Variants in MOB3B observed in about 807,000 individuals in gnomAD.
MOB3B encodes MOB kinase activator 3B.
MOB3B carries 7 observed loss-of-function variants against 18.7 expected under a neutral mutation model. The ratio of observed to expected loss-of-function variants is 0.37; its 90% confidence interval spans 0.21 to 0.70. MOB3B has a LOEUF of 0.70. MOB3B is among the 30% of genes least tolerant of loss of function. MOB3B has a pLI of 0.52. For synonymous variants in MOB3B, 111 were observed against 99.9 expected, an observed-to-expected ratio of 1.11 and a Z score of -0.66; for missense variants, 253 against 281.3, an observed-to-expected ratio of 0.90 and a Z score of 0.72.
rs115834219 is a variant in MOB3B, at chr9:27,364,984, T to C, written c.419-5748A>G. On this transcript the variant is annotated intron_variant, in intron 2 of 3. Transcript: ENST00000262244. ...ATTTTCTACTAGTTTCTCAAACTTATGTCTTATATTGCTGTAAGTTCTCTG... is the reference window on the plus strand; with the variant it reads ...ATTTTCTACTAGTTTCTCAAACTTACGTCTTATATTGCTGTAAGTTCTCTG... 4.2e-3 allele frequency among the ~76,000 whole-genome samples: 639 copies of C among 152,300 alleles called. 4 individuals carry two copies. The highest frequency in any genetic ancestry group is 0.015 in the African/African-American group (621 of 41,546).
chr9:27,459,388 C>T (rs936869410), intron 1 of MOB3B, among the ~76,000 whole-genome samples: 1 of 152,140 alleles, frequency 6.6e-6, no homozygotes, highest in Non-Finnish European at 1.5e-5. Flanking sequence ...AGCATCAAGG[C>T]CTGATCTAAC....
At chr9:27,497,363 G>T (rs971167618) in intron 1 of MOB3B, among the ~76,000 whole-genome samples, 1 of 151,854 alleles carries the variant, frequency 6.6e-6, no homozygotes, top group Non-Finnish European at 1.5e-5. Context: ...AAAAATCATG[G>T]AGTATCCATA....
At chr9:27,441,366 A>T (rs1209506069) in intron 2 of MOB3B, among the ~76,000 whole-genome samples, 2 of 152,188 alleles carry the variant, frequency 1.3e-5, no homozygotes, top group Non-Finnish European at 2.9e-5. Context: ...CACTTAAAGG[A>T]AGCACTTTAT....
At chr9:27,462,280 A>G (rs1467700043) in intron 1 of MOB3B, among the ~76,000 whole-genome samples, 1 of 152,222 alleles carries the variant, frequency 6.6e-6, no homozygotes, top group Non-Finnish European at 1.5e-5. Context: ...TATTATTTCC[A>G]GATATTTAGA....
chr9:27,341,572 T>A (rs1820941704), intron 3 of MOB3B, among the ~76,000 whole-genome samples: 1 of 152,192 alleles, frequency 6.6e-6, no homozygotes, highest in Non-Finnish European at 1.5e-5. Context: ...AATTTTCCTT[T>A]TAATACAATG....
chr9:27,478,842 C>T (rs1026663606), intron 1 of MOB3B, among the ~76,000 whole-genome samples: 11 of 151,860 alleles, frequency 7.2e-5, no homozygotes, highest in African/African-American at 1.5e-4. Context: ...CACACACACA[C>T]ACACACACAC....
At chr9:27,521,379 C>T (rs1820322404) in intron 1 of MOB3B, among the ~76,000 whole-genome samples, 2 of 152,168 alleles carry the variant, frequency 1.3e-5, no homozygotes, top group African/African-American at 4.8e-5. Flanking sequence ...GCAGCCATCT[C>T]CAACACCTAT....
intron 2 of MOB3B, among the ~76,000 whole-genome samples, chr9:27,423,663 A>G (rs1399881268): frequency 6.6e-6 from 1 of 152,228 alleles, no homozygotes; most frequent in Non-Finnish European, 1.5e-5. Context: ...TAACTGGTTT[A>G]GTATCTGTCT....
At chr9:27,333,329 C>A (rs565622877) in intron 3 of MOB3B, among the ~76,000 whole-genome samples, 2 of 151,268 alleles carry the variant, frequency 1.3e-5, no homozygotes, top group Non-Finnish European at 2.9e-5. Context: ...CTAGCACTTG[C>A]CCACTGGGTG....
At chr9:27,388,641 T>C (rs771453209) in intron 2 of MOB3B, among the ~76,000 whole-genome samples, 1 of 152,110 alleles carries the variant, frequency 6.6e-6, no homozygotes, top group Non-Finnish European at 1.5e-5. Context: ...GTCCCCAAAG[T>C]CCAATGTATC....
chr9:27,481,510 T>G (rs1396876559), intron 1 of MOB3B, among the ~76,000 whole-genome samples: 16 of 83,234 alleles, frequency 1.9e-4, no homozygotes, highest in East Asian at 3.8e-4. Flanking sequence ...TTTTTTTTTT[T>G]GTTTTTTTTG....
At chr9:27,356,736 C>T (rs949545388) in intron 3 of MOB3B, among the ~76,000 whole-genome samples, 1 of 152,248 alleles carries the variant, frequency 6.6e-6, no homozygotes, top group South Asian at 2.1e-4. Flanking sequence ...TGAACTGAAA[C>T]CATCCAGGAG....
intron 2 of MOB3B, among the ~76,000 whole-genome samples, chr9:27,434,475 T>C (rs1055320971): frequency 2.0e-5 from 3 of 152,134 alleles, no homozygotes; most frequent in Admixed American, 6.6e-5. Context: ...CAAGTGCTCT[T>C]AGCCACACCC....
chr9:27,476,174 T>G (rs891935608), intron 1 of MOB3B, among the ~76,000 whole-genome samples: 5 of 152,322 alleles, frequency 3.3e-5, no homozygotes, highest in Middle Eastern at 3.4e-3. Context: ...CTTCTATCAC[T>G]TCAAGGCTGT....
intron 1 of MOB3B, chr9:27,524,455 T>A: frequency 6.2e-7 from 1 of 1,613,894 alleles, no homozygotes; most frequent in Non-Finnish European, 8.5e-7. Flanking sequence ...CTGAGAAGAG[T>A]CACCTGGCAA....
rs185302804 is a variant in MOB3B at position 27,392,353 on chromosome 9, C to T, written c.419-33117G>A. 6.6e-5 allele frequency among the ~76,000 whole-genome samples: 10 copies of T among 152,172 alleles called. No individual in the cohort carries two copies. In the South Asian group the frequency reaches 1.7e-3, roughly 25 times the overall value. On this transcript the variant is annotated intron_variant, in intron 2 of 3. Transcript: ENST00000262244. ...AGAGTATTCTATAATGCAAAGAGAA[C>T]GTTTAAAACATCTGCAAATATTTGG... is the stretch of plus-strand genomic sequence containing the variant.
At chr9:27,395,238 T>A (rs1438729036) in intron 2 of MOB3B, among the ~76,000 whole-genome samples, 2 of 152,214 alleles carry the variant, frequency 1.3e-5, no homozygotes, top group Non-Finnish European at 2.9e-5. Context: ...TTATATACTG[T>A]GTTGCATATA....
intron 2 of MOB3B, among the ~76,000 whole-genome samples, chr9:27,414,555 C>T (rs1167017448): frequency 6.6e-6 from 1 of 152,216 alleles, no homozygotes; most frequent in Non-Finnish European, 1.5e-5. Flanking sequence ...ATGTCAGACT[C>T]TTGAACAAAA....
chr9:27,390,626 C>T (rs901314682), intron 2 of MOB3B, among the ~76,000 whole-genome samples: 2 of 152,220 alleles, frequency 1.3e-5, no homozygotes, highest in South Asian at 2.1e-4. Flanking sequence ...GCAATCAGGG[C>T]GAAATCCTTT....
Sources: gnomAD v4.1 joint callset for allele counts (sites outside exome capture counted in the v4.1 genomes callset) on GRCh38, gnomAD v4.1.1 for gene constraint, MANE v1.5 for transcripts, NCBI Gene and HGNC (gene_info 2026-07-23, HGNC 2026-07-21) for gene names.